POU6F2: variants seen among roughly 807,000 people sequenced by gnomAD.
POU6F2 encodes POU domain, class 6, transcription factor 2.
A neutral mutation model predicts 71.3 loss-of-function variants in POU6F2; 31 were observed. The ratio of observed to expected loss-of-function variants is 0.43; its 90% CI spans 0.33 to 0.59. POU6F2 has a LOEUF of 0.59. Ranked by LOEUF, POU6F2 falls within the 20% of genes least tolerant of loss-of-function variation. POU6F2 has a pLI of 0.04. For synonymous variants in POU6F2, 347 were observed against 355.7 expected (o/e 0.98, Z 0.27); for missense variants, 783 against 856.8 (o/e 0.91, Z 1.07).
chr7:39,281,149 A>G (rs766107681), intron 4 of POU6F2, among the ~76,000 whole-genome samples: 19 of 152,110 alleles, frequency 1.2e-4, no homozygotes, highest in Non-Finnish European at 2.5e-4. Flanking sequence ...AAAATTTGCC[A>G]TTTCTTAATT....
chr7:39,374,799 C>T lies in POU6F2; in HGVS notation c.973-31801C>T, dbSNP rs193083050. Among the ~76,000 whole-genome samples the T allele has an allele frequency of 1.4e-4, 22 of 152,200 alleles. 1 individual carries two copies. The East Asian group carries it at 2.3e-3, about 16-fold the overall frequency. On this transcript the variant is annotated intron_variant, in intron 5 of 9. Transcript: ENST00000518318. The stretch of plus-strand genomic sequence containing the variant: ...AGGATCATTGTAAAGTCCCAAACAG[C>T]GGAATATTGAGGACATTTTCAGGTG...
intron 2 of POU6F2, among the ~76,000 whole-genome samples, chr7:39,166,337 CA>C (rs1793115008): frequency 6.6e-6 from 1 of 152,172 alleles, no homozygotes; most frequent in Admixed American, 6.5e-5. Flanking sequence ...ATTCACAGTC[CA>C]TTTTACATAT....
chr7:39,158,224 T>A (rs1376470898), intron 2 of POU6F2, among the ~76,000 whole-genome samples: 2 of 152,184 alleles, frequency 1.3e-5, no homozygotes, highest in Non-Finnish European at 2.9e-5. Context: ...AGTAATTTTT[T>A]AAAAGCATTC....
At chr7:39,168,188 C>T (rs1793149467) in intron 2 of POU6F2, among the ~76,000 whole-genome samples, 1 of 152,024 alleles carries the variant, frequency 6.6e-6, no homozygotes, top group Non-Finnish European at 1.5e-5. Context: ...CAATAATAGC[C>T]TATTTTTATT....
At chr7:38,990,958 A>G (rs916815307) in intron 1 of POU6F2, among the ~76,000 whole-genome samples, 3 of 152,028 alleles carry the variant, frequency 2.0e-5, no homozygotes, top group Non-Finnish European at 2.9e-5. Context: ...TTTCTCGTCT[A>G]TTCACATCTC....
chr7:39,293,912 G>A (rs1233089578), intron 4 of POU6F2, among the ~76,000 whole-genome samples: 2 of 152,190 alleles, frequency 1.3e-5, no homozygotes, highest in South Asian at 2.1e-4. Flanking sequence ...AGTGATCAGC[G>A]AAGACTGGAT....
intron 2 of POU6F2, among the ~76,000 whole-genome samples, chr7:39,128,596 C>T (rs2128729019): frequency 6.6e-6 from 1 of 152,336 alleles, no homozygotes; most frequent in Admixed American, 6.5e-5. Context: ...TTCTAGTCTA[C>T]TGTCAGTCTT....
intron 7 of POU6F2, among the ~76,000 whole-genome samples, chr7:39,441,759 T>C (rs1421448509): frequency 6.6e-6 from 1 of 152,198 alleles, no homozygotes; most frequent in Non-Finnish European, 1.5e-5. Flanking sequence ...AATGAGCTCC[T>C]TAACTGAGTG....
At chr7:39,338,617 C>G (rs1206638904) in intron 4 of POU6F2, among the ~76,000 whole-genome samples, 1 of 152,222 alleles carries the variant, frequency 6.6e-6, no homozygotes, top group Non-Finnish European at 1.5e-5. Flanking sequence ...ACACTTTCCT[C>G]TAAGGCCTGT....
At chr7:39,186,465 A>G (rs1016149568) in intron 2 of POU6F2, among the ~76,000 whole-genome samples, 3 of 152,144 alleles carry the variant, frequency 2.0e-5, no homozygotes, top group Non-Finnish European at 4.4e-5. Flanking sequence ...CAGTCCACCT[A>G]TATCTACATG....
At chr7:38,995,835 T>C (rs1453648654) in intron 1 of POU6F2, among the ~76,000 whole-genome samples, 2 of 152,236 alleles carry the variant, frequency 1.3e-5, no homozygotes, top group Non-Finnish European at 2.9e-5. Flanking sequence ...AGCACAGTGC[T>C]TGACTCACAG....
At position 39,107,496 on chromosome 7, in the gene POU6F2, A is replaced by G. The variant is rs1053632659; in HGVS notation, c.277+21465A>G. ...AAAAATATTTTCTTTTGAATTGGCT[A>G]GTTATCTAAAGACCAACAATTTGTT... On this transcript the variant is annotated intron_variant, in intron 2 of 9. Coordinates refer to ENST00000518318, the MANE Select transcript of POU6F2 (RefSeq NM_001370959.1). 3.9e-5 allele frequency among the ~76,000 whole-genome samples: 6 copies of G among 152,206 alleles called. No individual in the cohort carries two copies. The South Asian group carries it at 1.2e-3, about 32-fold the overall frequency.
At chr7:39,180,657 C>T (rs1025606960) in intron 2 of POU6F2, among the ~76,000 whole-genome samples, 3 of 152,092 alleles carry the variant, frequency 2.0e-5, no homozygotes, top group African/African-American at 4.8e-5. Flanking sequence ...TTCATGCAGG[C>T]GCTTAGGACC....
At chr7:39,387,910 G>T (rs894368640) in intron 5 of POU6F2, among the ~76,000 whole-genome samples, 1 of 152,174 alleles carries the variant, frequency 6.6e-6, no homozygotes, top group Non-Finnish European at 1.5e-5. Flanking sequence ...TTCATGGAGG[G>T]AAAGCCAGAC....
intron 4 of POU6F2, among the ~76,000 whole-genome samples, chr7:39,250,707 C>G (rs916325730): frequency 1.3e-5 from 2 of 152,192 alleles, no homozygotes; most frequent in African/African-American, 4.8e-5. Flanking sequence ...CACCGCTACT[C>G]TGCTCAGTCA....
intron 1 of POU6F2, among the ~76,000 whole-genome samples, chr7:39,080,589 T>G (rs904813312): frequency 6.6e-6 from 1 of 152,218 alleles, no homozygotes; most frequent in African/African-American, 2.4e-5. Context: ...TGTTGTGTAT[T>G]GTATAACTTT....
chr7:39,177,897 C>T (rs1397520455), intron 2 of POU6F2, among the ~76,000 whole-genome samples: 1 of 152,204 alleles, frequency 6.6e-6, no homozygotes, highest in Non-Finnish European at 1.5e-5. Context: ...AATTCACAAG[C>T]ATAAGTTTAT....
At position 39,241,591 on chromosome 7, in the gene POU6F2, A is replaced by G. The variant is rs536957242; in HGVS notation, c.598+33971A>G. 7.9e-5 allele frequency among the ~76,000 whole-genome samples: 12 copies of G among 152,250 alleles called. No homozygotes were observed. In the South Asian group the frequency reaches 2.3e-3, roughly 29 times the overall value. Reference sequence around the variant, plus strand: ...AATGAAGGGAAGTAGAAACATATATAACATGTATTCGTAGGAAGAGAGACA... The same window carrying G: ...AATGAAGGGAAGTAGAAACATATATGACATGTATTCGTAGGAAGAGAGACA... On this transcript the variant is annotated intron_variant, in intron 4 of 9. Coordinates refer to ENST00000518318, the MANE Select transcript of POU6F2 (RefSeq NM_001370959.1).
chr7:39,451,614 A>C lies in POU6F2; in HGVS notation c.1402A>C (p.Met468Leu). ...LLHLAHSQAS[M>L]SQSPVRQASS... ...GCACCTGGCTCACAGCCAAGCATCC[A>C]TGTCTCAAAGTCCCGTCCGGCAGGC... The change falls in exon 8 of 10, where the codon ATG (methionine) becomes CTG (leucine). Residue 468 changes from methionine to leucine, a missense_variant. This residue lies in a region of POU6F2 where 572 missense variants were observed against 572.9 expected (regional missense o/e 1.00). Coordinates refer to ENST00000518318, the MANE Select transcript of POU6F2 (RefSeq NM_001370959.1). 1 of 1,613,622 alleles carries C rather than the reference A, an allele frequency of 6.2e-7. No homozygotes were observed. The highest frequency in any genetic ancestry group is 1.7e-5 in the Admixed American group (1 of 60,002).
Sources: gnomAD v4.1 joint callset for allele counts (sites outside exome capture counted in the v4.1 genomes callset) on GRCh38, gnomAD v4.1.1 for gene constraint, gnomAD v4.1.1 regional missense constraint, MANE v1.5 for transcripts, NCBI Gene and HGNC (gene_info 2026-07-23, HGNC 2026-07-21) for gene names.